SETDB2: variants seen among roughly 807,000 people sequenced by gnomAD.
SETDB2 encodes SET domain bifurcated histone lysine methyltransferase 2, also known as histone-lysine N-methyltransferase SETDB2.
A neutral mutation model predicts 82.5 loss-of-function variants in SETDB2; 56 were observed. The observed-to-expected ratio is 0.68, with a 90% CI of 0.55 to 0.85. The LOEUF is 0.85. Among genes scored for constraint, SETDB2 ranks in the 40% least tolerant of loss-of-function variants. The pLI, the probability that SETDB2 is intolerant of heterozygous loss-of-function variation, is 0.00. For missense variants in SETDB2, 677 were observed against 816.4 expected (o/e 0.83, Z 2.08); for synonymous variants, 272 against 284.9 (o/e 0.95, Z 0.46).
rs1958523349 is a variant in SETDB2, at chr13:49,483,608, A to AT, written c.1482+45_1482+46insT. 21 of 490,650 alleles carry AT rather than the reference A, an allele frequency of 4.3e-5. No homozygotes were observed. In the South Asian group the frequency reaches 5.3e-4, roughly 12 times the overall value. The allele number at this position is 490,650 out of a possible 1,614,324, so 30.4% of individuals were successfully genotyped here. Reference sequence around the variant, plus strand: ...GTTGGGACCCTTCTTTTCTTTTTTAAATTTTTTTTTTTTTTTTTTTTTTTT... The same window carrying AT: ...GTTGGGACCCTTCTTTTCTTTTTTAATATTTTTTTTTTTTTTTTTTTTTTTT... On this transcript the variant is annotated intron_variant, in intron 10 of 13. Coordinates refer to ENST00000611815, the MANE Select transcript of SETDB2 (RefSeq NM_001160308.3).
At chr13:49,466,391 A>C (rs1339265878) in intron 4 of SETDB2, among the ~76,000 whole-genome samples, 1 of 151,840 alleles carries the variant, frequency 6.6e-6, no homozygotes, top group African/African-American at 2.4e-5. Context: ...GCTTATGATC[A>C]CATCAACGTA....
At position 49,476,495 on chromosome 13, in the gene SETDB2, A is replaced by G. The variant is rs1958365893; in HGVS notation, c.325A>G (p.Ile109Val). Reference sequence around the variant, plus strand: ...TAACAGAACAACAGAAAATAAGGAAATTCTCTCTCTTGAAGATAAAGTTGT... The same window carrying G: ...TAACAGAACAACAGAAAATAAGGAAGTTCTCTCTCTTGAAGATAAAGTTGT... ...CTFLTTENKE[I>V]LSLEDKVVDF... The change falls in exon 6 of 14, where the codon ATT (isoleucine) becomes GTT (valine). Residue 109 changes from isoleucine (I) to valine (V), a missense_variant. Physicochemically the swap from Ile to Val is conservative, Grantham distance 29. Transcript: ENST00000611815. 2 of 1,575,456 alleles carry G rather than the reference A, an allele frequency of 1.3e-6. No homozygotes were observed. Among genetic ancestry groups the G allele is most frequent in the Non-Finnish European group, 1.7e-6 (2 of 1,161,408 alleles).
chr13:49,488,691 A>C, intron 12 of SETDB2, 61 bp downstream of exon 12: 2 of 1,345,792 alleles, frequency 1.5e-6, no homozygotes, highest in Non-Finnish European at 2.0e-6. Context: ...GCTACTTAAC[A>C]AAATTATGAG....
At chr13:49,489,596 CTT>C (rs58715452) in intron 12 of SETDB2, among the ~76,000 whole-genome samples, 4 of 100,562 alleles carry the variant, frequency 4.0e-5, no homozygotes, top group Admixed American at 1.4e-4. Context: ...CATATTTATT[CTT>C]TTTTTTTTTT....
At chr13:49,460,338 G>A (rs1207999163) in intron 3 of SETDB2, 106 bp downstream of exon 3, 5 of 1,170,528 alleles carry the variant, frequency 4.3e-6, no homozygotes, top group East Asian at 2.8e-5. Context: ...GTAGATGGAT[G>A]TAATTACTTT....
chr13:49,489,273 G>T (rs1958654509), intron 12 of SETDB2: 1 of 186,814 alleles, frequency 5.4e-6, no homozygotes, highest in South Asian at 1.4e-4. Context: ...TGATGAATGT[G>T]TGGAGATGGC....
chr13:49,460,430 A>C (rs1957969828), intron 3 of SETDB2, among the ~76,000 whole-genome samples, 198 bp downstream of exon 3: 1 of 152,122 alleles, frequency 6.6e-6, no homozygotes, highest in Non-Finnish European at 1.5e-5. Flanking sequence ...AATGTTGCAA[A>C]AGTAACATCT....
intron 6 of SETDB2, among the ~76,000 whole-genome samples, chr13:49,479,802 C>A (rs1472977113): frequency 6.6e-6 from 1 of 152,210 alleles, no homozygotes; most frequent in Admixed American, 6.5e-5. Context: ...TCTCCCCAGT[C>A]TGTTTCTGTC....
chr13:49,474,245 G>A (rs1025141741), intron 5 of SETDB2, among the ~76,000 whole-genome samples: 1 of 151,560 alleles, frequency 6.6e-6, no homozygotes, highest in African/African-American at 2.4e-5. Flanking sequence ...CTGGGCAATA[G>A]ATTGAAACTC....
rs749907751 is a variant in SETDB2 at position 49,476,664 on chromosome 13, A to G, written c.494A>G (p.His165Arg). The change falls in exon 6 of 14, where the codon CAT becomes CGT. Residue 165 changes from histidine to arginine, a missense_variant. His to Arg is a conservative substitution (Grantham distance 29). Coordinates refer to ENST00000611815, the MANE Select transcript of SETDB2 (RefSeq NM_001160308.3). The stretch of plus-strand genomic sequence containing the variant: ...ATCAAATGTCACTTCCAAAGACGAC[A>G]TGCAAAGACAAACTCTCATTCTTCA... Reference protein sequence around the residue: ...LPIKCHFQRRHAKTNSHSSAL... With the variant: ...LPIKCHFQRRRAKTNSHSSAL... 3.7e-6 allele frequency: 6 copies of G among 1,614,244 alleles called. No individual in the cohort carries two copies. Among genetic ancestry groups the G allele is most frequent in the Non-Finnish European group, 5.1e-6 (6 of 1,180,050 alleles).
chr13:49,445,993 C>T (rs1286238124), intron 1 of SETDB2: 1 of 185,160 alleles, frequency 5.4e-6, no homozygotes, highest in Admixed American at 5.8e-5. Context: ...TCTATAATCC[C>T]AGCACTTTGG....
intron 10 of SETDB2, among the ~76,000 whole-genome samples, chr13:49,484,121 G>C (rs1019569283): frequency 6.6e-6 from 1 of 152,160 alleles, no homozygotes; most frequent in Non-Finnish European, 1.5e-5. Flanking sequence ...GGAGAATGCT[G>C]GTCATGATCT....
chr13:49,446,548 C>T (rs1566150777), intron 1 of SETDB2: 1 of 351,008 alleles, frequency 2.8e-6, no homozygotes, highest in Non-Finnish European at 5.5e-6. Context: ...TGGAAAAATA[C>T]TATACTACAT....
chr13:49,456,831 C>T (rs1957890925), intron 2 of SETDB2, among the ~76,000 whole-genome samples: 1 of 152,084 alleles, frequency 6.6e-6, no homozygotes, highest in African/African-American at 2.4e-5. Flanking sequence ...GTTTGGTTAC[C>T]TCTTTTCTTA....
rs1479720857 is a variant in SETDB2 at position 49,451,877 on chromosome 13, A to G, written c.-17A>G. The G allele has an allele frequency of 1.3e-6, 2 of 1,592,416 alleles. No individual in the cohort carries two copies. Among genetic ancestry groups the G allele is most frequent in the Non-Finnish European group, 1.7e-6 (2 of 1,165,074 alleles). On this transcript the variant is annotated 5_prime_UTR_variant, in exon 2 of 14. Coordinates refer to ENST00000611815, the MANE Select transcript of SETDB2 (RefSeq NM_001160308.3). ...CCTAATTTTGAAGCATTTTATATTTATAAGCGACATCAAAAGATGGGAGAA... is the reference window on the plus strand; with the variant it reads ...CCTAATTTTGAAGCATTTTATATTTGTAAGCGACATCAAAAGATGGGAGAA...
intron 5 of SETDB2, 79 bp downstream of exon 5, chr13:49,468,039 G>C: frequency 1.0e-6 from 1 of 988,928 alleles, no homozygotes; most frequent in Non-Finnish European, 1.4e-6. Context: ...CATTAGAATA[G>C]ATGAAATATA....
intron 1 of SETDB2, chr13:49,446,447 T>A: frequency 2.2e-6 from 1 of 454,546 alleles, no homozygotes; most frequent in South Asian, 1.6e-5. Context: ...GAGACTTTGG[T>A]ACAGAGCTTT....
In SETDB2 at chr13:49,445,233, G is replaced by T. The variant is rs561561687; in HGVS notation, c.-342+376G>T. On this transcript the variant is annotated intron_variant, in intron 1 of 13. Coordinates refer to ENST00000611815, the MANE Select transcript of SETDB2 (RefSeq NM_001160308.3). ...CATGACTGTTAGGGGGATTAAATAAGAACACGTGAAGTAGTTAGAAGCGTG... is the reference window on the plus strand; with the variant it reads ...CATGACTGTTAGGGGGATTAAATAATAACACGTGAAGTAGTTAGAAGCGTG... Among the ~76,000 whole-genome samples the T allele has an allele frequency of 2.0e-5, 3 of 152,298 alleles. No homozygotes were observed. In the South Asian group the frequency reaches 6.2e-4, roughly 32 times the overall value.
chr13:49,482,723 C>T lies in SETDB2; in HGVS notation c.1157-14C>T, dbSNP rs773110329. The T allele has an allele frequency of 1.3e-6, 2 of 1,551,200 alleles. No individual in the cohort carries two copies. The highest frequency in any genetic ancestry group is 1.1e-5 in the South Asian group (1 of 87,918). On this transcript the variant is annotated splice_polypyrimidine_tract_variant and intron_variant, in intron 8 of 13. Coordinates refer to ENST00000611815, the MANE Select transcript of SETDB2 (RefSeq NM_001160308.3). ...CTTCTGTGTTGTTCAAACTCTTTAA[C>T]ATTTTCCTTTTAGGAAGATTACTAA...
Sources: gnomAD v4.1 joint callset for allele counts (sites outside exome capture counted in the v4.1 genomes callset) on GRCh38, gnomAD v4.1.1 for gene constraint, MANE v1.5 for transcripts, NCBI Gene and HGNC (gene_info 2026-07-23, HGNC 2026-07-21) for gene names.